The following MAML3 variants were observed in gnomAD, a reference collection of about 807,000 sequenced individuals.
MAML3 encodes mastermind like transcriptional coactivator 3.
Under a neutral mutation model 101.9 loss-of-function variants are expected in MAML3, and 27 were observed. The ratio of observed to expected loss-of-function variants is 0.27; its 90% CI spans 0.20 to 0.37. The LOEUF is 0.37. Ranked by LOEUF, MAML3 falls within the 10% of genes least tolerant of loss-of-function variation. MAML3 has a pLI of 1.00. For missense variants in MAML3, 1,316 were observed against 1,444.9 expected (o/e 0.91, Z 1.45); for synonymous variants, 501 against 555.9 (o/e 0.90, Z 1.39).
intron 1 of MAML3, among the ~76,000 whole-genome samples, chr4:139,924,874 A>G (rs1318192337): frequency 1.3e-5 from 2 of 152,316 alleles, no homozygotes; most frequent in African/African-American, 4.8e-5. Flanking sequence ...GAGGATCAAA[A>G]ATTACTAGAA....
At chr4:139,861,004 T>C (rs2111165232) in intron 2 of MAML3, among the ~76,000 whole-genome samples, 1 of 152,298 alleles carries the variant, frequency 6.6e-6, no homozygotes, top group Non-Finnish European at 1.5e-5. Flanking sequence ...ATATGATATA[T>C]GTATATACAA....
intron 1 of MAML3, among the ~76,000 whole-genome samples, chr4:140,027,063 GAA>G (rs554293252): frequency 7.1e-6 from 1 of 141,012 alleles, no homozygotes; most frequent in East Asian, 2.0e-4. Flanking sequence ...GTAGAAAAAG[GAA>G]AAAAAAAAAA....
At chr4:139,725,487 C>T (rs571761118) in intron 4 of MAML3, among the ~76,000 whole-genome samples, 1 of 152,274 alleles carries the variant, frequency 6.6e-6, no homozygotes, top group East Asian at 1.9e-4. Context: ...CTGTTCTAGT[C>T]CCAACTCCGA....
At chr4:139,866,477 C>T (rs369206652) in intron 2 of MAML3, among the ~76,000 whole-genome samples, 232 of 152,296 alleles carry the variant, frequency 1.5e-3, no homozygotes, top group African/African-American at 5.2e-3. Flanking sequence ...CAGTCACCGA[C>T]AGAAGGCAGT....
At chr4:139,936,382 C>T (rs1280961674) in intron 1 of MAML3, among the ~76,000 whole-genome samples, 1 of 152,166 alleles carries the variant, frequency 6.6e-6, no homozygotes, top group Non-Finnish European at 1.5e-5. Context: ...TTGACATACA[C>T]ATTTCCTTTA....
intron 2 of MAML3, among the ~76,000 whole-genome samples, chr4:139,800,797 G>T (rs1048634143): frequency 2.0e-5 from 3 of 152,192 alleles, no homozygotes; most frequent in African/African-American, 7.2e-5. Flanking sequence ...TTTAGATGAT[G>T]AGTTGTAAAC....
chr4:139,911,809 G>A (rs570455985), intron 1 of MAML3, among the ~76,000 whole-genome samples: 73 of 152,306 alleles, frequency 4.8e-4, no homozygotes, highest in African/African-American at 1.7e-3. Context: ...CTCCAGACAA[G>A]AATGTGCTGG....
At chr4:139,862,674 T>A (rs1357026159) in intron 2 of MAML3, among the ~76,000 whole-genome samples, 1 of 152,088 alleles carries the variant, frequency 6.6e-6, no homozygotes, top group African/African-American at 2.4e-5. Context: ...ACACAATGCA[T>A]GGCAAAGAGG....
chr4:140,101,237 G>T (rs1728247753), intron 1 of MAML3, among the ~76,000 whole-genome samples: 1 of 152,168 alleles, frequency 6.6e-6, no homozygotes, highest in South Asian at 2.1e-4. Context: ...TTGCTAGTTA[G>T]CAATAGGTAA....
chr4:139,871,163 C>A (rs1732000158), intron 2 of MAML3, among the ~76,000 whole-genome samples: 1 of 152,096 alleles, frequency 6.6e-6, no homozygotes, highest in Admixed American at 6.5e-5. Context: ...CATTTTTTCT[C>A]ATGTATGACA....
At chr4:140,006,046 G>T (rs1259560843) in intron 1 of MAML3, among the ~76,000 whole-genome samples, 1 of 152,132 alleles carries the variant, frequency 6.6e-6, no homozygotes, top group Non-Finnish European at 1.5e-5. Context: ...AATTTCGGGG[G>T]TTCTATAGTC....
chr4:139,758,139 T>C (rs2111050180), intron 2 of MAML3, among the ~76,000 whole-genome samples: 1 of 152,346 alleles, frequency 6.6e-6, no homozygotes, highest in Middle Eastern at 3.4e-3. Context: ...AATAGGTCTG[T>C]GATTAGCTGC....
chr4:140,100,338 T>C (rs1364984122), intron 1 of MAML3, among the ~76,000 whole-genome samples: 1 of 152,192 alleles, frequency 6.6e-6, no homozygotes, highest in Non-Finnish European at 1.5e-5. Context: ...TCTATGAGGG[T>C]CCACCCCCCT....
At chr4:139,984,209 G>T (rs777383781) in intron 1 of MAML3, among the ~76,000 whole-genome samples, 3 of 152,084 alleles carry the variant, frequency 2.0e-5, no homozygotes, top group African/African-American at 7.2e-5. Flanking sequence ...ACAGTGTGGC[G>T]TTGAGAATAG....
intron 1 of MAML3, among the ~76,000 whole-genome samples, chr4:139,903,099 C>T (rs554690497): frequency 2.6e-5 from 4 of 152,180 alleles, no homozygotes; most frequent in African/African-American, 4.8e-5. Context: ...CAAGTACTGG[C>T]CATTTCAGAA....
rs79096586 is a variant in MAML3 at position 140,053,547 on chromosome 4, C to T, written c.468+99313G>A. ...TAAAGAACTTCACCACAACATGGTC[C>T]ATGCAATTCTACTTTTATAAACAAA... is the stretch of plus-strand genomic sequence containing the variant. On this transcript the variant is annotated intron_variant, in intron 1 of 4. Transcript: ENST00000509479. Among the ~76,000 whole-genome samples the T allele has an allele frequency of 1.4e-3, 213 of 152,284 alleles. 4 individuals carry two copies. In the East Asian group the frequency reaches 0.039, roughly 28 times the overall value.
chr4:139,916,766 A>G (rs1733036863), intron 1 of MAML3, among the ~76,000 whole-genome samples: 1 of 152,198 alleles, frequency 6.6e-6, no homozygotes, highest in Admixed American at 6.5e-5. Context: ...CTAGTTCAGA[A>G]AAGGGTTGTA....
chr4:140,153,148 G>A lies in MAML3; in HGVS notation c.180C>T (p.Pro60=). The A allele has an allele frequency of 1.3e-6, 2 of 1,550,240 alleles. No individual in the cohort carries two copies. The highest frequency in any genetic ancestry group is 1.4e-5 in the African/African-American group (1 of 73,174). The change falls in exon 1 of 5, where the codon CCC becomes CCT. Residue 60 remains proline (P), a synonymous_variant. Coordinates refer to ENST00000509479, the MANE Select transcript of MAML3 (RefSeq NM_018717.5). ...TGGGAACGGCCGCCGAACCGCCGCC[G>A]GGGCCCCCGGAGCCGCCGCATCCAC... The part of the protein sequence containing the change: ...AAGGCGGSGG[P]GGGSAAVPKH...
At chr4:140,147,515 G>T (rs570445411) in intron 1 of MAML3, among the ~76,000 whole-genome samples, 2 of 152,288 alleles carry the variant, frequency 1.3e-5, no homozygotes, top group South Asian at 2.1e-4. Flanking sequence ...GGCAGCAGGT[G>T]GGGGGAAGGA....
Sources: allele counts gnomAD v4.1 joint callset (sites outside exome capture counted in the v4.1 genomes callset), GRCh38; gene constraint gnomAD v4.1.1; transcripts MANE v1.5; gene names NCBI Gene and HGNC (gene_info 2026-07-23, HGNC 2026-07-21).